NALCN: variants seen among roughly 807,000 people sequenced by gnomAD.
NALCN encodes the protein sodium leak channel NALCN.
In NALCN, 111 loss-of-function variants were observed where a neutral mutation model predicts 225.3. That is an observed-to-expected ratio of 0.49 (90% CI 0.42 to 0.58). The LOEUF is 0.58. NALCN is among the 20% of genes least tolerant of loss of function. The pLI, the probability that NALCN is intolerant of heterozygous loss-of-function variation, is 0.00. For synonymous variants in NALCN, 764 were observed against 769.0 expected (o/e 0.99, Z 0.11); for missense variants, 1,378 against 2,202.4 (o/e 0.63, Z 7.49).
Position 101,089,557 on chromosome 13 carries a change from T to C in NALCN, c.3489+106A>G, listed in dbSNP as rs573443305. On this transcript the variant is annotated intron_variant, in intron 30 of 43. Coordinates refer to ENST00000251127, the MANE Select transcript of NALCN (RefSeq NM_052867.4). The surrounding 1 kb of genome is among the most constrained non-coding windows in gnomAD (Gnocchi z 4.7). ...ATAGAGATTATTTACACCAGTCACA[T>C]TACAGTTTAAAGCGGCTTCACGCCG... 2.2e-6 allele frequency: 2 copies of C among 903,828 alleles called. No individual in the cohort carries two copies. The highest frequency in any genetic ancestry group is 3.4e-6 in the Non-Finnish European group (2 of 582,466). The allele number at this position is 903,828 out of a possible 1,614,324, so 56.0% of individuals were successfully genotyped here.
intron 39 of NALCN, among the ~76,000 whole-genome samples, chr13:101,067,080 C>A (rs1227795791): frequency 6.6e-6 from 1 of 151,690 alleles, no homozygotes; most frequent in Non-Finnish European, 1.5e-5. Flanking sequence ...AGGAGCTGTT[C>A]CATCTTGTTC....
intron 1 of NALCN, among the ~76,000 whole-genome samples, chr13:101,406,190 C>G (rs758474313): frequency 4.6e-5 from 7 of 151,200 alleles, no homozygotes; most frequent in Non-Finnish European, 7.4e-5. Context: ...GCTGGGAGTA[C>G]TGGCATGCAC....
rs371836111 is a variant in NALCN, at chr13:101,087,892, C to G, written c.3489+1771G>C. Among the ~76,000 whole-genome samples the G allele has an allele frequency of 7.2e-5, 11 of 152,278 alleles. No homozygotes were observed. In the South Asian group the frequency reaches 2.3e-3, roughly 32 times the overall value. On this transcript the variant is annotated intron_variant, in intron 30 of 43. Coordinates refer to ENST00000251127, the MANE Select transcript of NALCN (RefSeq NM_052867.4). ...GGTGTCTGCTCAGACGGCTTCTTAA[C>G]GGTGTTCTGGGCAAGCAGTGCCTAA...
rs2031039477 is a variant in NALCN at position 101,055,007 on chromosome 13, C to T, written c.*288G>A. On this transcript the variant is annotated 3_prime_UTR_variant, in exon 44 of 44. Coordinates refer to ENST00000251127, the MANE Select transcript of NALCN (RefSeq NM_052867.4). ...ACATATGAATATATACCTTAGTTTA[C>T]GCAGACAGAATATATGACATTTTTA... 2.4e-5 allele frequency: 9 copies of T among 378,434 alleles called. No individual in the cohort carries two copies. In the East Asian group the frequency reaches 2.4e-4, roughly 10 times the overall value. 23.4% of individuals were successfully genotyped at this position (378,434 alleles called of 1,614,324 possible).
chr13:101,214,046 G>A (rs532709851), intron 13 of NALCN, among the ~76,000 whole-genome samples: 1 of 152,086 alleles, frequency 6.6e-6, no homozygotes, highest in Non-Finnish European at 1.5e-5. Context: ...ACCAACCCAA[G>A]TGTCCAACAA....
intron 18 of NALCN, among the ~76,000 whole-genome samples, chr13:101,122,274 A>G (rs974937330): frequency 6.6e-6 from 1 of 152,224 alleles, no homozygotes; most frequent in Non-Finnish European, 1.5e-5. Flanking sequence ...ATGGCTTTCT[A>G]AGATCAAATT....
intron 3 of NALCN, among the ~76,000 whole-genome samples, chr13:101,387,915 TA>T (rs566961938): frequency 2.9e-3 from 437 of 152,304 alleles, no homozygotes; most frequent in Admixed American, 4.3e-3. Flanking sequence ...AACATACATT[TA>T]ATGTGACAAA....
chr13:101,311,189 G>A (rs1352245823), intron 7 of NALCN, among the ~76,000 whole-genome samples: 1 of 151,110 alleles, frequency 6.6e-6, no homozygotes, highest in African/African-American at 2.4e-5. Context: ...AAGAATGCTT[G>A]TGATTTTTGC....
rs1391346442 is a variant in NALCN at position 101,074,515 on chromosome 13, T to C, written c.4102A>G (p.Arg1368Gly). ...ATAGAAAGATAAGTATATACCAACC[T>C]GTTAATATTCTCCCCATATTTCACA... is the stretch of plus-strand genomic sequence containing the variant. ...GTVKYGENIN[R>G]HANFSSAGKA... The change falls in exon 36 of 44, where the codon AGG becomes GGG. Residue 1368 changes from arginine (R) to glycine (G), a missense_variant and splice_region_variant. Arg to Gly is a moderately radical substitution (Grantham distance 125). Transcript: ENST00000251127. 6.2e-7 allele frequency: 1 copy of C among 1,603,178 alleles called. No individual in the cohort carries two copies.
chr13:101,168,292 G>C (rs1212451951), intron 15 of NALCN, among the ~76,000 whole-genome samples: 1 of 151,838 alleles, frequency 6.6e-6, no homozygotes, highest in African/African-American at 2.4e-5. Flanking sequence ...CTCTTTTTCA[G>C]TATCTATTTC....
chr13:101,401,099 C>T (rs962118255), intron 1 of NALCN, among the ~76,000 whole-genome samples: 1 of 152,162 alleles, frequency 6.6e-6, no homozygotes, highest in Admixed American at 6.5e-5. Flanking sequence ...CGGACGGATT[C>T]ACCTCCTATT....
rs373886433 is a variant in NALCN at position 101,090,016 on chromosome 13, C to T, written c.3270-50G>A. On this transcript the variant is annotated intron_variant, in intron 28 of 43. Coordinates refer to ENST00000251127, the MANE Select transcript of NALCN (RefSeq NM_052867.4). ...CTGTGAAATTCCAATAAGCAGCACCCGAAGGCAAATATCTGTAGCCCTTTC... is the reference window on the plus strand; with the variant it reads ...CTGTGAAATTCCAATAAGCAGCACCTGAAGGCAAATATCTGTAGCCCTTTC... 1.6e-4 allele frequency: 260 copies of T among 1,610,506 alleles called. No individual in the cohort carries two copies. In the African/African-American group the frequency reaches 3.0e-3, roughly 19 times the overall value.
chr13:101,287,026 A>G (rs77439416), intron 9 of NALCN, among the ~76,000 whole-genome samples: 15,928 of 152,172 alleles, frequency 0.1, 1,131 homozygotes, highest in African/African-American at 0.19. Context: ...TTTATAATCG[A>G]TAACTTATTG....
intron 7 of NALCN, among the ~76,000 whole-genome samples, chr13:101,306,727 C>T (rs1013915066): frequency 2.6e-5 from 4 of 152,150 alleles, no homozygotes; most frequent in Non-Finnish European, 4.4e-5. Flanking sequence ...CTCACTGACA[C>T]CTTAGTACTA....
Position 101,059,904 on chromosome 13 carries a change from G to T in NALCN, c.4819C>A (p.Arg1607=). The change falls in exon 42 of 44, where the codon CGG becomes AGG. Residue 1607 remains arginine, a synonymous_variant. Transcript: ENST00000251127. ...LRESQQQELS[R]FLNPPSIETT... is the part of the protein sequence containing the mutation. ...TCGATGCTGGGCGGGTTCAGAAACC[G>T]GCTCAGCTCTTGCTGCTGACTCTCT... The T allele has an allele frequency of 6.2e-7, 1 of 1,613,936 alleles. No homozygotes were observed. The highest frequency in any genetic ancestry group is 8.5e-7 in the Non-Finnish European group (1 of 1,179,972).
At chr13:101,267,670 C>A (rs376054483) in intron 10 of NALCN, among the ~76,000 whole-genome samples, 1 of 152,190 alleles carries the variant, frequency 6.6e-6, no homozygotes, top group African/African-American at 2.4e-5. Flanking sequence ...CCCTGCCATT[C>A]TCTTCATTCC....
intron 18 of NALCN, chr13:101,116,989 G>C (rs778224492): frequency 9.7e-6 from 5 of 514,512 alleles, no homozygotes; most frequent in Admixed American, 2.0e-5. Flanking sequence ...GGGTGAGCTC[G>C]TCGGTAATGG....
intron 6 of NALCN, among the ~76,000 whole-genome samples, chr13:101,347,585 T>C (rs1167443932): frequency 6.6e-6 from 1 of 152,186 alleles, no homozygotes; most frequent in African/African-American, 2.4e-5. Flanking sequence ...ATGCTTGTCA[T>C]CAATGATTTG....
At chr13:101,123,464 G>C (rs1026885086) in intron 18 of NALCN, among the ~76,000 whole-genome samples, 1 of 152,206 alleles carries the variant, frequency 6.6e-6, no homozygotes, top group African/African-American at 2.4e-5. Context: ...TGCATGATCT[G>C]ATGGTAATAC....
Sources: gnomAD v4.1 joint callset for allele counts (sites outside exome capture counted in the v4.1 genomes callset) on GRCh38, gnomAD v4.1.1 for gene constraint, Gnocchi (gnomAD v3.1) non-coding constraint, MANE v1.5 for transcripts, NCBI Gene and HGNC (gene_info 2026-07-23, HGNC 2026-07-21) for gene names.